The following MAN1A1 variants were observed in gnomAD, a reference collection of about 807,000 sequenced individuals.
MAN1A1 encodes mannosyl-oligosaccharide 1,2-alpha-mannosidase IA.
Under a neutral mutation model 70.8 loss-of-function variants are expected in MAN1A1, and 29 were observed. The ratio of observed to expected loss-of-function variants is 0.41; its 90% CI spans 0.31 to 0.56. The LOEUF is 0.56. MAN1A1 is among the 20% of genes least tolerant of loss of function. The pLI is 0.29. For synonymous variants in MAN1A1, 349 were observed against 330.1 expected, an observed-to-expected ratio of 1.06 and a Z score of -0.62; for missense variants, 747 against 841.3, an observed-to-expected ratio of 0.89 and a Z score of 1.39.
intron 5 of MAN1A1, among the ~76,000 whole-genome samples, chr6:119,277,923 C>A: frequency 1.2e-5 from 1 of 86,796 alleles, no homozygotes; most frequent in African/African-American, 4.7e-5. Context: ...GGCGACAGAG[C>A]AAGACTCCAT....
chr6:119,245,116 C>T (rs946306934), intron 6 of MAN1A1, among the ~76,000 whole-genome samples: 2 of 152,114 alleles, frequency 1.3e-5, no homozygotes, highest in Admixed American at 6.6e-5. Context: ...TATGATATTA[C>T]AGCCAGCACA....
At chr6:119,185,781 G>A (rs1473802398) in intron 11 of MAN1A1, among the ~76,000 whole-genome samples, 3 of 150,418 alleles carry the variant, frequency 2.0e-5, no homozygotes, top group East Asian at 3.9e-4. Context: ...GGGTTTCACC[G>A]TGTTAGCCAG....
intron 5 of MAN1A1, among the ~76,000 whole-genome samples, chr6:119,271,610 C>T (rs1775925862): frequency 1.3e-5 from 2 of 152,106 alleles, no homozygotes; most frequent in Admixed American, 6.5e-5. Context: ...AGCAATTCTC[C>T]TGCCTCAGCC....
At chr6:119,331,154 TA>T (rs1471293346) in intron 2 of MAN1A1, among the ~76,000 whole-genome samples, 1 of 152,234 alleles carries the variant, frequency 6.6e-6, no homozygotes, top group Non-Finnish European at 1.5e-5. Context: ...CAGAAAGAGT[TA>T]TACTGTCCGG....
chr6:119,258,353 A>G (rs1775514570), intron 5 of MAN1A1, among the ~76,000 whole-genome samples: 1 of 152,206 alleles, frequency 6.6e-6, no homozygotes, highest in African/African-American at 2.4e-5. Context: ...CAGATCAAAA[A>G]TATTTGGAAA....
At chr6:119,283,433 G>C (rs1006497047) in intron 5 of MAN1A1, among the ~76,000 whole-genome samples, 1 of 152,166 alleles carries the variant, frequency 6.6e-6, no homozygotes, top group South Asian at 2.1e-4. Context: ...CAGCAGAAAC[G>C]TCATTTTTGA....
chr6:119,348,898 G>A lies in MAN1A1; in HGVS notation c.168C>T (p.Phe56=). 6.5e-7 allele frequency: 1 copy of A among 1,537,068 alleles called. No homozygotes were observed. Among genetic ancestry groups the A allele is most frequent in the South Asian group, 1.2e-5 (1 of 82,578 alleles). The change falls in exon 2 of 13, where the codon TTC becomes TTT. Residue 56 remains phenylalanine, a synonymous_variant. Coordinates refer to ENST00000368468, the MANE Select transcript of MAN1A1 (RefSeq NM_005907.4). The part of the protein sequence containing the change: ...LVFSAFITLC[F]GAIFFLPDSS... ...AGTCTGGCAGGAAGAAGATCGCCCC[G>A]AAGCAGAGCGTGATGAAGGCGCTGA...
intron 2 of MAN1A1, among the ~76,000 whole-genome samples, chr6:119,347,771 AT>A (rs1332860547): frequency 6.6e-6 from 1 of 152,242 alleles, no homozygotes; most frequent in South Asian, 2.1e-4. Flanking sequence ...ATTAGGAAAG[AT>A]GTATCAAAGT....
chr6:119,297,594 A>G (rs1267859493), intron 4 of MAN1A1, among the ~76,000 whole-genome samples: 1 of 152,114 alleles, frequency 6.6e-6, no homozygotes, highest in African/African-American at 2.4e-5. Flanking sequence ...AGCCTAATTA[A>G]CCACCTATTC....
intron 5 of MAN1A1, among the ~76,000 whole-genome samples, chr6:119,252,589 C>T (rs1027511209): frequency 1.6e-4 from 24 of 151,938 alleles, no homozygotes; most frequent in African/African-American, 4.6e-4. Flanking sequence ...GTCAAGAGAT[C>T]GAGATTATCC....
chr6:119,291,428 T>G (rs1241873138), intron 4 of MAN1A1, among the ~76,000 whole-genome samples: 2 of 152,056 alleles, frequency 1.3e-5, no homozygotes, highest in Non-Finnish European at 2.9e-5. Context: ...CTAAACAAAA[T>G]TACAAAAATA....
At chr6:119,324,191 C>G (rs1582804292) in intron 2 of MAN1A1, among the ~76,000 whole-genome samples, 1 of 152,306 alleles carries the variant, frequency 6.6e-6, no homozygotes, top group African/African-American at 2.4e-5. Flanking sequence ...TCAGCCTACT[C>G]AACACGAAGA....
intron 2 of MAN1A1, among the ~76,000 whole-genome samples, chr6:119,309,425 TAA>T (rs1316358266): frequency 6.6e-6 from 1 of 152,006 alleles, no homozygotes; most frequent in Non-Finnish European, 1.5e-5. Context: ...GCGATGAGGA[TAA>T]AGTCATTTAA....
intron 2 of MAN1A1, among the ~76,000 whole-genome samples, chr6:119,319,507 T>A (rs1448923590): frequency 7.9e-5 from 12 of 152,020 alleles, no homozygotes; most frequent in African/African-American, 2.9e-4. Flanking sequence ...GAGCTTTGAA[T>A]GCAATGACTT....
intron 6 of MAN1A1, among the ~76,000 whole-genome samples, chr6:119,229,777 T>C (rs1562201821): frequency 1.3e-5 from 2 of 152,318 alleles, no homozygotes; most frequent in South Asian, 2.1e-4. Flanking sequence ...GATAAAGATA[T>C]GTACATATAT....
rs556323049 is a variant in MAN1A1, at chr6:119,197,698, G to A, written c.1210+3556C>T. Among the ~76,000 whole-genome samples, 8 of 152,204 alleles carry A rather than the reference G, an allele frequency of 5.3e-5. No homozygotes were observed. The East Asian group carries it at 9.7e-4, about 18-fold the overall frequency. Reference sequence around the variant, plus strand: ...ACCTGAACATGGCCAAGCAGGCCTCGATTGAAGAATAAAAAAATAAGTGTG... The same window carrying A: ...ACCTGAACATGGCCAAGCAGGCCTCAATTGAAGAATAAAAAAATAAGTGTG... On this transcript the variant is annotated intron_variant, in intron 8 of 12. Transcript: ENST00000368468.
At position 119,211,844 on chromosome 6, in the gene MAN1A1, A is replaced by AT. The variant is rs572097707; in HGVS notation, c.993-6963dup. On this transcript the variant is annotated intron_variant, in intron 6 of 12. Coordinates refer to ENST00000368468, the MANE Select transcript of MAN1A1 (RefSeq NM_005907.4). ...TTTTTTAAATGAAATAATAGTAGGA[A>AT]TTTTTTTTTTTTTTTGAGATGGAGT... 8.1e-3 allele frequency among the ~76,000 whole-genome samples: 1,140 copies of AT among 141,584 alleles called. 7 individuals carry two copies. Among genetic ancestry groups the AT allele is most frequent in the African/African-American group, 0.025 (950 of 38,772 alleles). The allele number at this position is 141,584 out of a possible 152,430, so 92.9% of individuals were successfully genotyped here.
At chr6:119,246,784 C>T (rs373409647) in intron 6 of MAN1A1, among the ~76,000 whole-genome samples, 1 of 152,158 alleles carries the variant, frequency 6.6e-6, no homozygotes, top group East Asian at 1.9e-4. Context: ...ACTCATGGGC[C>T]TCCAAACACA....
chr6:119,273,411 A>G (rs538254636), intron 5 of MAN1A1, among the ~76,000 whole-genome samples: 1 of 152,266 alleles, frequency 6.6e-6, no homozygotes, highest in South Asian at 2.1e-4. Context: ...TACCATATCC[A>G]TACTTGCCCA....
Sources: gnomAD v4.1 joint callset for allele counts (sites outside exome capture counted in the v4.1 genomes callset) on GRCh38, gnomAD v4.1.1 for gene constraint, MANE v1.5 for transcripts, NCBI Gene and HGNC (gene_info 2026-07-23, HGNC 2026-07-21) for gene names.